The following HBS1L variants were observed in gnomAD, a reference collection of about 807,000 sequenced individuals.
HBS1L encodes HBS1-like protein.
Under a neutral mutation model 88.9 loss-of-function variants are expected in HBS1L, and 55 were observed. That is an observed-to-expected ratio of 0.62 (90% CI 0.50 to 0.77). HBS1L has a LOEUF of 0.77. HBS1L is among the 30% of genes least tolerant of loss of function. The pLI is 0.00. For missense variants in HBS1L, 741 were observed against 829.3 expected, an observed-to-expected ratio of 0.89 and a Z score of 1.31; for synonymous variants, 267 against 288.5, an observed-to-expected ratio of 0.93 and a Z score of 0.76.
intron 5 of HBS1L, among the ~76,000 whole-genome samples, chr6:134,999,448 C>CTT (rs35807723): frequency 0.3 from 37,305 of 124,476 alleles, 6,180 homozygotes; most frequent in Non-Finnish European, 0.36. Context: ...TTTTTCTTTT[C>CTT]TTTTTTTTTT....
In HBS1L at chr6:134,964,631, T is replaced by C. The variant is rs1406097903; in HGVS notation, c.*648A>G. The C allele has an allele frequency of 6.6e-6, 1 of 152,318 alleles. No homozygotes were observed. Among genetic ancestry groups the C allele is most frequent in the Non-Finnish European group, 1.5e-5 (1 of 68,148 alleles). The allele number at this position is 152,318 out of a possible 1,614,324, so 9.4% of individuals were successfully genotyped here. On this transcript the variant is annotated 3_prime_UTR_variant, in exon 18 of 18. Coordinates refer to ENST00000367837, the MANE Select transcript of HBS1L (RefSeq NM_006620.4). ...TCTAAAGAACAAAACACAGTTTGTA[T>C]TATGCTCAAACTAAGGCATTTTATT...
chr6:134,985,402 A>C lies in HBS1L; in HGVS notation c.1431T>G (p.Phe477Leu), dbSNP rs1483617798. ...GLCLLEQIDS[F>L]KPPQRSIDKP... ...TGTCAATAGATCGCTGGGGAGGCTT[A>C]AAGGAATCTGGAAAAAAGAAATTGC... Residue 477 changes from phenylalanine (F) to leucine (L), a missense_variant, in exon 12 of 18, where the codon TTT becomes TTG. By Grantham distance (22) the Phe-to-Leu change is conservative. Around this residue, in one of 3 missense-constraint regions of HBS1L, gnomAD observed 556 missense variants for 598.4 expected, o/e 0.93. Transcript: ENST00000367837. 7 of 1,595,630 alleles carry C rather than the reference A, an allele frequency of 4.4e-6. No individual in the cohort carries two copies. Among genetic ancestry groups the C allele is most frequent in the Middle Eastern group, 1.7e-4 (1 of 5,958 alleles).
intron 4 of HBS1L, among the ~76,000 whole-genome samples, chr6:135,020,155 AC>A (rs1776032657): frequency 9.0e-6 from 1 of 110,582 alleles, no homozygotes; most frequent in Non-Finnish European, 1.9e-5. Flanking sequence ...ATTAAAAAAA[AC>A]CCTCCAAAAA....
At chr6:134,970,283 C>T (rs982341028) in intron 15 of HBS1L, among the ~76,000 whole-genome samples, 2 of 152,172 alleles carry the variant, frequency 1.3e-5, no homozygotes, top group African/African-American at 4.8e-5. Context: ...CAGGTGCACA[C>T]CACCGTGCCC....
At chr6:134,995,096 AG>A (rs11339846) in intron 7 of HBS1L, among the ~76,000 whole-genome samples, 69,191 of 151,740 alleles carry the variant, frequency 0.46, 16,267 homozygotes, top group South Asian at 0.56. Flanking sequence ...CAAATACTCT[AG>A]GGACCACAGA....
chr6:134,966,531 TAAC>T lies in HBS1L; in HGVS notation c.1899-61_1899-59del, dbSNP rs576984891. ...TGATAGAGGTGAATAAATGTAATAA[TAAC>T]AACTTGAAAAACAAATATTTCACAT... On this transcript the variant is annotated intron_variant, in intron 16 of 17. Coordinates refer to ENST00000367837, the MANE Select transcript of HBS1L (RefSeq NM_006620.4). 3.1e-3 allele frequency: 3,518 copies of T among 1,148,224 alleles called. 10 individuals carry two copies. Among genetic ancestry groups the T allele is most frequent in the Non-Finnish European group, 3.7e-3 (3,150 of 841,330 alleles). The allele number at this position is 1,148,224 out of a possible 1,614,324, so 71.1% of individuals were successfully genotyped here.
intron 4 of HBS1L, among the ~76,000 whole-genome samples, chr6:135,024,148 C>A (rs1244279218): frequency 1.3e-5 from 2 of 152,098 alleles, no homozygotes; most frequent in East Asian, 3.9e-4. Context: ...TCCCTTAAAA[C>A]AATAATGATG....
In HBS1L at chr6:135,041,990, T is replaced by G; in HGVS notation, c.235+11A>C. On this transcript the variant is annotated intron_variant, in intron 3 of 17. Transcript: ENST00000367837. Reference sequence around the variant, plus strand: ...ACTTTCAGATAACAGATACACTACTTTTTGCTATACCTTGATCAAATCCAC... The same window carrying G: ...ACTTTCAGATAACAGATACACTACTGTTTGCTATACCTTGATCAAATCCAC... The G allele has an allele frequency of 6.2e-7, 1 of 1,611,478 alleles. No homozygotes were observed. The highest frequency in any genetic ancestry group is 8.5e-7 in the Non-Finnish European group (1 of 1,178,676).
At chr6:134,983,664 C>T (rs1774896583) in intron 12 of HBS1L, 1 of 152,078 alleles carries the variant, frequency 6.6e-6, no homozygotes, top group African/African-American at 2.4e-5. Flanking sequence ...TCCAGTAGTG[C>T]TTAGACAAGT....
intron 4 of HBS1L, among the ~76,000 whole-genome samples, chr6:135,005,451 T>C (rs910498831): frequency 3.9e-5 from 6 of 152,246 alleles, no homozygotes; most frequent in African/African-American, 7.2e-5. Flanking sequence ...GGGGCTATTA[T>C]ACTACAGATG....
intron 4 of HBS1L, among the ~76,000 whole-genome samples, chr6:135,023,604 T>C (rs903986587): frequency 4.6e-5 from 7 of 152,152 alleles, no homozygotes; most frequent in Non-Finnish European, 7.3e-5. Context: ...AACCTCATCA[T>C]ATAAAATTAG....
At chr6:135,040,169 GTATATTTCT>G (rs1372859487) in intron 3 of HBS1L, among the ~76,000 whole-genome samples, 1 of 152,072 alleles carries the variant, frequency 6.6e-6, no homozygotes, top group Non-Finnish European at 1.5e-5. Flanking sequence ...TATTCACGAA[GTATATTTCT>G]TATATTTCTC....
At chr6:135,006,721 C>T (rs926940909) in intron 4 of HBS1L, among the ~76,000 whole-genome samples, 1 of 152,018 alleles carries the variant, frequency 6.6e-6, no homozygotes, top group African/African-American at 2.4e-5. Flanking sequence ...CCTGAAGTTA[C>T]AGCAAAAGTG....
rs376737149 is a variant in HBS1L at position 134,966,418 on chromosome 6, C to G, written c.1954G>C (p.Ala652Pro). The change falls in exon 17 of 18, where the codon GCT (alanine) becomes CCT (proline). Residue 652 changes from alanine (A) to proline (P), a missense_variant. Coordinates refer to ENST00000367837, the MANE Select transcript of HBS1L (RefSeq NM_006620.4). ...LVELQTQRPI[A>P]LELYKDFKEL... is the part of the protein sequence containing the mutation. Reference sequence around the variant, plus strand: ...TTAAAGTCTTTATATAGCTCAAGAGCTATTGGTCTTTGTGTCTGTAGCTCT... The same window carrying G: ...TTAAAGTCTTTATATAGCTCAAGAGGTATTGGTCTTTGTGTCTGTAGCTCT... 6.2e-7 allele frequency: 1 copy of G among 1,612,374 alleles called. No homozygotes were observed. Among genetic ancestry groups the G allele is most frequent in the Admixed American group, 1.7e-5 (1 of 59,942 alleles).
In HBS1L at chr6:135,042,095, T is replaced by G; in HGVS notation, c.141A>C (p.Lys47Asn). ...ATTCTTCCACAGGCTCAACGGAAGG[T>G]TTGTCACGCCGTGAATAAATAAACT... is the stretch of plus-strand genomic sequence containing the variant. ...AAQFIYSRRD[K>N]PSVEPVEEYD... Residue 47 changes from lysine to asparagine, a missense_variant, in exon 3 of 18, where the codon AAA becomes AAC. This residue lies in a region of HBS1L where 556 missense variants were observed against 598.4 expected (regional missense o/e 0.93). Transcript: ENST00000367837. 6.2e-7 allele frequency: 1 copy of G among 1,613,136 alleles called. No homozygotes were observed. The highest frequency in any genetic ancestry group is 8.5e-7 in the Non-Finnish European group (1 of 1,179,472).
In HBS1L at chr6:135,035,855, T is replaced by C. The variant is rs558156757; in HGVS notation, c.430+3718A>G. 3.7e-5 allele frequency: 28 copies of C among 752,062 alleles called. No homozygotes were observed. The South Asian group carries it at 1.4e-3, about 37-fold the overall frequency. The allele number at this position is 752,062 out of a possible 1,614,324, so 46.6% of individuals were successfully genotyped here. On this transcript the variant is annotated intron_variant, in intron 4 of 17. Coordinates refer to ENST00000367837, the MANE Select transcript of HBS1L (RefSeq NM_006620.4). ...TCTCCATTCAAAGAACATGCAACCA[T>C]ACTTGAAAACACTTTTTATATATTT...
intron 1 of HBS1L, among the ~76,000 whole-genome samples, chr6:135,052,153 T>C (rs1432768377): frequency 1.3e-5 from 2 of 152,164 alleles, no homozygotes; most frequent in African/African-American, 2.4e-5. Context: ...TGAGACCAAA[T>C]GCTTACAGCA....
At chr6:135,049,885 A>C (rs980343185) in intron 2 of HBS1L, among the ~76,000 whole-genome samples, 5 of 152,196 alleles carry the variant, frequency 3.3e-5, no homozygotes, top group Non-Finnish European at 7.4e-5. Context: ...ACCATACTAA[A>C]ATTTAGCAGG....
Position 135,031,867 on chromosome 6 carries a change from A to G in HBS1L, c.430+7706T>C, listed in dbSNP as rs576885439. Among the ~76,000 whole-genome samples, 4 of 147,386 alleles carry G rather than the reference A, an allele frequency of 2.7e-5. No homozygotes were observed. The South Asian group carries it at 8.6e-4, about 32-fold the overall frequency. The stretch of plus-strand genomic sequence containing the variant: ...TTTTTTTTTGAGATGGGGTCTCACC[A>G]CACTGCCCAGGCTGAACCTGAACTC... On this transcript the variant is annotated intron_variant, in intron 4 of 17. Transcript: ENST00000367837.
Sources: gnomAD v4.1 joint callset for allele counts (sites outside exome capture counted in the v4.1 genomes callset) on GRCh38, gnomAD v4.1.1 for gene constraint, gnomAD v4.1.1 regional missense constraint, MANE v1.5 for transcripts, NCBI Gene and HGNC (gene_info 2026-07-23, HGNC 2026-07-21) for gene names.